Variants in MEGF11 observed in about 807,000 individuals in gnomAD.
MEGF11 encodes the protein multiple epidermal growth factor-like domains protein 11.
Under a neutral mutation model 146.6 loss-of-function variants are expected in MEGF11, and 126 were observed. The observed-to-expected ratio is 0.86, with a 90% CI of 0.74 to 1.00. The LOEUF (loss-of-function observed/expected upper bound fraction) is 1.00, where lower values mean the gene tolerates loss of function less well. MEGF11 is among the 50% of genes least tolerant of loss of function. The pLI is 0.00. For synonymous variants in MEGF11, 532 were observed against 583.4 expected, an observed-to-expected ratio of 0.91 and a Z score of 1.27; for missense variants, 1,509 against 1,521.2, an observed-to-expected ratio of 0.99 and a Z score of 0.13.
chr15:66,031,499 T>C (rs333584), intron 5 of MEGF11, among the ~76,000 whole-genome samples: 147,665 of 152,290 alleles, frequency 0.97, 71,749 homozygotes, highest in Middle Eastern at 1. Context: ...AGATCAGAGG[T>C]GGAGCACAGG....
chr15:65,928,510 C>T lies in MEGF11; in HGVS notation c.1590G>A (p.Leu530=), dbSNP rs774121074. ...ELPCPDGTFG[L]NCSEHCDCSH... is the part of the protein sequence containing the mutation. The stretch of plus-strand genomic sequence containing the variant: ...TGCAGTCACAGTGTTCACTGCAGTT[C>T]AGCCCAAATGTGCCATCCTGTGGAG... The change falls in exon 13 of 26, where the codon CTG becomes CTA. Residue 530 remains leucine, a synonymous_variant. Transcript: ENST00000395614. The T allele has an allele frequency of 1.9e-6, 3 of 1,603,306 alleles. No individual in the cohort carries two copies. Among genetic ancestry groups the T allele is most frequent in the East Asian group, 2.2e-5 (1 of 44,498 alleles).
At chr15:66,023,541 T>G (rs1286465423) in intron 5 of MEGF11, among the ~76,000 whole-genome samples, 1 of 152,246 alleles carries the variant, frequency 6.6e-6, no homozygotes, top group African/African-American at 2.4e-5. Context: ...TATAAGGCAC[T>G]TTATGAATCC....
intron 1 of MEGF11, among the ~76,000 whole-genome samples, chr15:66,135,460 G>T (rs895544128): frequency 1.3e-5 from 2 of 152,212 alleles, no homozygotes; most frequent in African/African-American, 4.8e-5. Flanking sequence ...CTGAACACTT[G>T]CTCGAGGGGA....
At chr15:66,091,624 A>T (rs560764995) in intron 5 of MEGF11, among the ~76,000 whole-genome samples, 2 of 152,348 alleles carry the variant, frequency 1.3e-5, no homozygotes, top group East Asian at 3.9e-4. Context: ...ATGGGGATAA[A>T]TAACAATTCC....
intron 5 of MEGF11, among the ~76,000 whole-genome samples, chr15:66,066,408 C>T (rs2085127271): frequency 6.6e-6 from 1 of 152,096 alleles, no homozygotes; most frequent in Non-Finnish European, 1.5e-5. Flanking sequence ...TGCTGGAAGC[C>T]CAGGGGGAAT....
chr15:66,192,585 A>G (rs1467420936), intron 1 of MEGF11, among the ~76,000 whole-genome samples: 5 of 152,208 alleles, frequency 3.3e-5, no homozygotes, highest in Non-Finnish European at 5.9e-5. Context: ...CAATTTACCA[A>G]TGAGAAAAAC....
At chr15:66,125,631 C>T (rs772569870) in intron 2 of MEGF11, among the ~76,000 whole-genome samples, 9 of 152,194 alleles carry the variant, frequency 5.9e-5, no homozygotes, top group Non-Finnish European at 1.3e-4. Flanking sequence ...CTCTATCTCT[C>T]AGGGCAGTGG....
chr15:66,104,497 G>T (rs996040090), intron 4 of MEGF11, among the ~76,000 whole-genome samples: 1 of 152,168 alleles, frequency 6.6e-6, no homozygotes, highest in Non-Finnish European at 1.5e-5. Flanking sequence ...TAATCACTTT[G>T]CCTCTCTTAA....
intron 10 of MEGF11, among the ~76,000 whole-genome samples, chr15:65,948,262 G>C (rs2080269932): frequency 1.3e-5 from 2 of 152,020 alleles, no homozygotes; most frequent in African/African-American, 4.8e-5. Context: ...TCCCAGCTCT[G>C]TTACAATATG....
chr15:66,130,211 GC>G (rs1808078808), intron 1 of MEGF11, among the ~76,000 whole-genome samples: 1 of 152,190 alleles, frequency 6.6e-6, no homozygotes, highest in Non-Finnish European at 1.5e-5. Flanking sequence ...ATGGCATTGA[GC>G]TATGCGGAGA....
intron 1 of MEGF11, among the ~76,000 whole-genome samples, chr15:66,244,489 C>A (rs552892700): frequency 2.9e-4 from 44 of 152,176 alleles, no homozygotes; most frequent in African/African-American, 1.0e-3. Context: ...AGAACAGGCA[C>A]CCAAAGGTCG....
At chr15:66,167,632 C>T (rs1217931860) in intron 1 of MEGF11, among the ~76,000 whole-genome samples, 1 of 150,800 alleles carries the variant, frequency 6.6e-6, no homozygotes, top group Non-Finnish European at 1.5e-5. Flanking sequence ...GCAATGAGAG[C>T]GAAATTCCGT....
At chr15:66,237,359 A>G (rs1164685340) in intron 1 of MEGF11, among the ~76,000 whole-genome samples, 1 of 152,100 alleles carries the variant, frequency 6.6e-6, no homozygotes, top group African/African-American at 2.4e-5. Flanking sequence ...CTGCCAAAAC[A>G]ATACCCTTAA....
intron 4 of MEGF11, among the ~76,000 whole-genome samples, chr15:66,114,103 A>G (rs1347041705): frequency 6.6e-6 from 1 of 152,192 alleles, no homozygotes; most frequent in East Asian, 1.9e-4. Flanking sequence ...GGAGTCAAGC[A>G]CACAGAACCT....
At position 66,042,476 on chromosome 15, in the gene MEGF11, A is replaced by G. The variant is rs569333853; in HGVS notation, c.394+51926T>C. ...TGAATGGAGGCCAAGAAAGGTTCAG[A>G]TAAACTTCTGGGGAACAGATATTTT... On this transcript the variant is annotated intron_variant, in intron 5 of 25. Transcript: ENST00000395614. 2.0e-5 allele frequency among the ~76,000 whole-genome samples: 3 copies of G among 152,310 alleles called. No individual in the cohort carries two copies. In the South Asian group the frequency reaches 6.2e-4, roughly 32 times the overall value.
At position 65,982,944 on chromosome 15, in the gene MEGF11, G is replaced by C. The variant is rs1282468242; in HGVS notation, c.395-456C>G. 6.6e-6 allele frequency among the ~76,000 whole-genome samples: 1 copy of C among 151,832 alleles called. No homozygotes were observed. The highest frequency in any genetic ancestry group is 2.1e-4 in the South Asian group (1 of 4,786). ...CTACCCCTCTCTTCTTGGGACCTGC[G>C]GGACCCAGCCCATTCCAGCTCCCAT... On this transcript the variant is annotated intron_variant, in intron 5 of 25. Transcript: ENST00000395614. This position sits in a 1 kb window ranked among gnomAD's most constrained non-coding sequence, Gnocchi z 5.6.
chr15:66,150,075 G>C (rs2089507896), intron 1 of MEGF11, among the ~76,000 whole-genome samples: 1 of 152,260 alleles, frequency 6.6e-6, no homozygotes, highest in African/African-American at 2.4e-5. Context: ...TGTGGCGGGA[G>C]CCTGGGAGAA....
chr15:66,021,482 C>A (rs2140175956), intron 5 of MEGF11, among the ~76,000 whole-genome samples: 1 of 152,254 alleles, frequency 6.6e-6, no homozygotes, highest in African/African-American at 2.4e-5. Context: ...ATAAAACAAA[C>A]CAAAAAAGTC....
chr15:65,961,475 C>T (rs1035727804), intron 9 of MEGF11, among the ~76,000 whole-genome samples: 1 of 152,214 alleles, frequency 6.6e-6, no homozygotes, highest in Non-Finnish European at 1.5e-5. Flanking sequence ...ATCATGGCTG[C>T]TGGAATTAGT....
Sources: gnomAD v4.1 joint callset for allele counts (sites outside exome capture counted in the v4.1 genomes callset) on GRCh38, gnomAD v4.1.1 for gene constraint, Gnocchi (gnomAD v3.1) non-coding constraint, MANE v1.5 for transcripts, NCBI Gene and HGNC (gene_info 2026-07-23, HGNC 2026-07-21) for gene names.